The following QKI variants were observed in gnomAD, a reference collection of about 807,000 sequenced individuals.
QKI encodes the protein KH domain-containing RNA-binding protein QKI.
QKI carries 10 observed loss-of-function variants against 39.0 expected under a neutral mutation model. The observed-to-expected ratio is 0.26, with a 90% CI of 0.16 to 0.43. The LOEUF is 0.43. QKI is among the 20% of genes least tolerant of loss of function. QKI has a pLI of 1.00. For missense variants in QKI, 218 were observed against 428.0 expected, an observed-to-expected ratio of 0.51 and a Z score of 4.33; for synonymous variants, 204 against 155.4, an observed-to-expected ratio of 1.31 and a Z score of -2.33.
In QKI at chr6:163,519,823, AGTTT is replaced by A. The variant is rs1035028177; in HGVS notation, c.403-15154_403-15151del. 1.6e-4 allele frequency among the ~76,000 whole-genome samples: 24 copies of A among 152,242 alleles called. No individual in the cohort carries two copies. The East Asian group carries it at 1.7e-3, about 11-fold the overall frequency. ...GTTATTTTATATAGTTGTTATATAA[AGTTT>A]GTTTAATATCTCAGAAAATGTTTTT... On this transcript the variant is annotated intron_variant, in intron 3 of 7. Coordinates refer to ENST00000361752, the MANE Select transcript of QKI (RefSeq NM_006775.3).
At chr6:163,490,305 A>C (rs553862810) in intron 3 of QKI, among the ~76,000 whole-genome samples, 3 of 152,226 alleles carry the variant, frequency 2.0e-5, no homozygotes, top group South Asian at 2.1e-4. Context: ...ATTTAATACA[A>C]TCTGCGGCAG....
In QKI at chr6:163,577,533, GTAAT is replaced by G. The variant is rs905433937; in HGVS notation, c.*6827_*6830del. On this transcript the variant is annotated 3_prime_UTR_variant, in exon 8 of 8. Transcript: ENST00000361752. The stretch of plus-strand genomic sequence containing the variant: ...CATAGTAGGCACCAGCTGAAACTGA[GTAAT>G]TAAACGGTCCCCTGAAGCCAAGTAT... 1.3e-5 allele frequency: 2 copies of G among 152,378 alleles called. No homozygotes were observed. Among genetic ancestry groups the G allele is most frequent in the Non-Finnish European group, 2.9e-5 (2 of 68,038 alleles). 9.4% of individuals were successfully genotyped at this position (152,378 alleles called of 1,614,324 possible).
At position 163,490,378 on chromosome 6, in the gene QKI, GAT is replaced by G. The variant is rs781596770; in HGVS notation, c.402+11487_402+11488del. ...AAGGAACTTTCACCCCTGGAAGACT[GAT>G]ATATTGACAGTGAACTGATGCAGCG... On this transcript the variant is annotated intron_variant, in intron 3 of 7. Transcript: ENST00000361752. Among the ~76,000 whole-genome samples the G allele has an allele frequency of 2.4e-3, 365 of 152,300 alleles. 7 individuals are homozygous for G. The highest frequency in any genetic ancestry group is 8.8e-4 in the Non-Finnish European group (60 of 68,012).
At chr6:163,448,056 G>C (rs1790280719) in intron 1 of QKI, among the ~76,000 whole-genome samples, 1 of 152,080 alleles carries the variant, frequency 6.6e-6, no homozygotes, top group Non-Finnish European at 1.5e-5. Context: ...CCCCAGGAAC[G>C]TGTGTGCAAC....
At position 163,563,616 on chromosome 6, in the gene QKI, A is replaced by G; in HGVS notation, c.831A>G (p.Pro277=). 2 of 1,614,020 alleles carry G rather than the reference A, an allele frequency of 1.2e-6. No homozygotes were observed. Among genetic ancestry groups the G allele is most frequent in the Non-Finnish European group, 8.5e-7 (1 of 1,179,932 alleles). Residue 277 remains proline, a synonymous_variant, in exon 6 of 8, where the codon CCA becomes CCG. Transcript: ENST00000361752. ...TPHPTAAIVP[P]GPEAGLIYTP... ...ACCCAACTGCTGCAATAGTTCCTCCAGGGCCCGAAGCTGGTTTAATCTATA... is the reference window on the plus strand; with the variant it reads ...ACCCAACTGCTGCAATAGTTCCTCCGGGGCCCGAAGCTGGTTTAATCTATA...
intron 3 of QKI, among the ~76,000 whole-genome samples, chr6:163,479,856 A>G (rs547183538): frequency 6.6e-6 from 1 of 152,230 alleles, no homozygotes; most frequent in Non-Finnish European, 1.5e-5. Flanking sequence ...TTAAATAAGA[A>G]TGGTCAAATA....
At chr6:163,422,818 A>G (rs571414390) in intron 1 of QKI, among the ~76,000 whole-genome samples, 1 of 152,318 alleles carries the variant, frequency 6.6e-6, no homozygotes, top group South Asian at 2.1e-4. Context: ...CTTTTGCTTT[A>G]GTGCAGGAGA....
intron 3 of QKI, among the ~76,000 whole-genome samples, chr6:163,530,084 T>A (rs372745605): frequency 6.6e-6 from 1 of 152,220 alleles, no homozygotes; most frequent in Non-Finnish European, 1.5e-5. Flanking sequence ...GTAGCACATA[T>A]ATTATGAAAT....
intron 3 of QKI, among the ~76,000 whole-genome samples, chr6:163,514,787 C>T (rs955306895): frequency 1.1e-4 from 16 of 152,002 alleles, no homozygotes; most frequent in Non-Finnish European, 4.4e-5. Flanking sequence ...AAATGAAGAG[C>T]AAAAAACTCA....
chr6:163,446,144 T>G (rs1399793100), intron 1 of QKI, among the ~76,000 whole-genome samples: 1 of 152,224 alleles, frequency 6.6e-6, no homozygotes, highest in Non-Finnish European at 1.5e-5. Flanking sequence ...TTAAAATTCT[T>G]TAAGGAAGAG....
chr6:163,451,648 A>G (rs937214409), intron 1 of QKI, among the ~76,000 whole-genome samples: 1 of 152,044 alleles, frequency 6.6e-6, no homozygotes, highest in African/African-American at 2.4e-5. Context: ...ATGTTGGGAG[A>G]TTTTTTGTAC....
chr6:163,447,748 T>C (rs1790261744), intron 1 of QKI, among the ~76,000 whole-genome samples: 1 of 152,182 alleles, frequency 6.6e-6, no homozygotes, highest in Non-Finnish European at 1.5e-5. Flanking sequence ...CTAGATCGCT[T>C]TATTTTTAGA....
intron 1 of QKI, among the ~76,000 whole-genome samples, chr6:163,430,616 G>T (rs1316564051): frequency 6.6e-6 from 1 of 152,108 alleles, no homozygotes; most frequent in Non-Finnish European, 1.5e-5. Context: ...ATGGGCCTAA[G>T]CTCTAAAGGA....
chr6:163,442,070 C>G (rs553878185), intron 1 of QKI, among the ~76,000 whole-genome samples: 5 of 152,222 alleles, frequency 3.3e-5, no homozygotes, highest in African/African-American at 1.2e-4. Flanking sequence ...CATTTACATA[C>G]GAATGTACAG....
At chr6:163,562,912 C>T (rs895706938) in intron 5 of QKI, among the ~76,000 whole-genome samples, 3 of 152,080 alleles carry the variant, frequency 2.0e-5, no homozygotes, top group Non-Finnish European at 4.4e-5. Context: ...TTTTCTGTGA[C>T]GTTGGTTCCT....
Position 163,573,831 on chromosome 6 carries a change from T to C in QKI, c.*3121T>C, listed in dbSNP as rs556773764. On this transcript the variant is annotated 3_prime_UTR_variant, in exon 8 of 8. Coordinates refer to ENST00000361752, the MANE Select transcript of QKI (RefSeq NM_006775.3). ...GACTTTGTCTGTTTATTAACCTTTA[T>C]ATGTTTAATTAAAATAAACAAATAA... 1 of 152,212 alleles carries C rather than the reference T, an allele frequency of 6.6e-6. No individual in the cohort carries two copies. Among genetic ancestry groups the C allele is most frequent in the African/African-American group, 2.4e-5 (1 of 41,454 alleles). 9.4% of individuals were successfully genotyped at this position (152,212 alleles called of 1,614,324 possible).
At chr6:163,425,314 A>G (rs1788325435) in intron 1 of QKI, among the ~76,000 whole-genome samples, 1 of 152,196 alleles carries the variant, frequency 6.6e-6, no homozygotes, top group Admixed American at 6.5e-5. Flanking sequence ...AAATGCATAG[A>G]TAGAAGTAGT....
At chr6:163,419,984 T>A (rs534477412) in intron 1 of QKI, among the ~76,000 whole-genome samples, 1 of 152,306 alleles carries the variant, frequency 6.6e-6, no homozygotes, top group South Asian at 2.1e-4. Flanking sequence ...CAGTTTCCCA[T>A]AAGAGCAAAT....
intron 2 of QKI, among the ~76,000 whole-genome samples, chr6:163,470,111 G>A (rs1792072785): frequency 6.6e-6 from 1 of 152,176 alleles, no homozygotes; most frequent in South Asian, 2.1e-4. Context: ...TTCAGGAGGT[G>A]AGATGATCAA....
Sources: gnomAD v4.1 joint callset for allele counts (sites outside exome capture counted in the v4.1 genomes callset) on GRCh38, gnomAD v4.1.1 for gene constraint, MANE v1.5 for transcripts, NCBI Gene and HGNC (gene_info 2026-07-23, HGNC 2026-07-21) for gene names.